The following MYRIP variants were observed in gnomAD, a reference collection of about 807,000 sequenced individuals.
MYRIP encodes the protein myosin VIIA and Rab interacting protein.
In MYRIP, 49 loss-of-function variants were observed where a neutral mutation model predicts 98.0. That is an observed-to-expected ratio of 0.50 (90% confidence interval 0.40 to 0.63). The LOEUF is 0.63. MYRIP is among the 30% of genes least tolerant of loss of function. The pLI, the probability that MYRIP is intolerant of heterozygous loss-of-function variation, is 0.00. For synonymous variants in MYRIP, 404 were observed against 409.5 expected, an observed-to-expected ratio of 0.99 and a Z score of 0.16; for missense variants, 1,004 against 1,058.2, an observed-to-expected ratio of 0.95 and a Z score of 0.71.
intron 3 of MYRIP, among the ~76,000 whole-genome samples, chr3:40,084,732 G>A (rs1017597613): frequency 2.1e-5 from 3 of 145,546 alleles, no homozygotes; most frequent in African/African-American, 5.1e-5. Context: ...ATTACATGTC[G>A]ATAGATAATA....
At chr3:40,054,676 C>T (rs905160598) in intron 3 of MYRIP, among the ~76,000 whole-genome samples, 1 of 152,146 alleles carries the variant, frequency 6.6e-6, no homozygotes, top group Admixed American at 6.6e-5. Context: ...ATCCACTCTT[C>T]CCTGGGTCTC....
intron 10 of MYRIP, among the ~76,000 whole-genome samples, chr3:40,201,782 T>C (rs1951567340): frequency 6.6e-6 from 1 of 152,198 alleles, no homozygotes; most frequent in African/African-American, 2.4e-5. Context: ...GTCTGGGTGC[T>C]GTTATCACAC....
chr3:40,001,099 A>C (rs757609725), intron 2 of MYRIP, among the ~76,000 whole-genome samples: 3 of 152,238 alleles, frequency 2.0e-5, no homozygotes, highest in Non-Finnish European at 4.4e-5. Context: ...AATGTATATT[A>C]GAAAAAATTT....
At chr3:40,212,205 CGTGT>C (rs1160660695) in intron 11 of MYRIP, among the ~76,000 whole-genome samples, 3 of 37,500 alleles carry the variant, frequency 8.0e-5, no homozygotes, top group African/African-American at 1.9e-4. Flanking sequence ...CATATATATA[CGTGT>C]GTGTATATAT....
intron 1 of MYRIP, among the ~76,000 whole-genome samples, chr3:39,874,152 G>A (rs1942901463): frequency 6.6e-6 from 1 of 151,988 alleles, no homozygotes; most frequent in African/African-American, 2.4e-5. Flanking sequence ...TCTGTTGTTG[G>A]CGTATAAGAA....
intron 3 of MYRIP, among the ~76,000 whole-genome samples, chr3:40,117,944 T>C (rs2371133): frequency 0.23 from 35,436 of 152,004 alleles, 4,511 homozygotes; most frequent in South Asian, 0.37. Flanking sequence ...CAAAAGCAAA[T>C]GGCAGACTAG....
intron 1 of MYRIP, among the ~76,000 whole-genome samples, chr3:39,839,131 A>T (rs1321223834): frequency 6.6e-6 from 1 of 152,058 alleles, no homozygotes; most frequent in African/African-American, 2.4e-5. Flanking sequence ...ATCTTCAAAA[A>T]GCCAGCTCCT....
At chr3:39,843,243 TGAAA>T (rs1255960054) in intron 1 of MYRIP, among the ~76,000 whole-genome samples, 1 of 152,204 alleles carries the variant, frequency 6.6e-6, no homozygotes, top group African/African-American at 2.4e-5. Flanking sequence ...AGTCACAGTT[TGAAA>T]GACTGAGCTG....
intron 3 of MYRIP, among the ~76,000 whole-genome samples, chr3:40,100,997 G>A (rs953721460): frequency 1.3e-5 from 2 of 151,888 alleles, no homozygotes; most frequent in Admixed American, 1.3e-4. Context: ...AGAAAAAAAA[G>A]CCCCTCACCC....
intron 3 of MYRIP, among the ~76,000 whole-genome samples, chr3:40,057,194 T>A (rs969374758): frequency 3.9e-5 from 6 of 152,054 alleles, no homozygotes; most frequent in African/African-American, 1.4e-4. Flanking sequence ...TACTAGATTC[T>A]GGTAAGCTCC....
At chr3:40,075,884 G>A (rs1333494924) in intron 3 of MYRIP, among the ~76,000 whole-genome samples, 1 of 152,096 alleles carries the variant, frequency 6.6e-6, no homozygotes, top group Non-Finnish European at 1.5e-5. Context: ...GTATTGTCAG[G>A]AAAGCTAATC....
intron 11 of MYRIP, among the ~76,000 whole-genome samples, chr3:40,210,692 C>T (rs1032470804): frequency 3.3e-5 from 5 of 152,108 alleles, no homozygotes; most frequent in Non-Finnish European, 7.4e-5. Context: ...TCCCCAAAGC[C>T]CTAACCGCTT....
chr3:39,978,088 C>T (rs1945800487), intron 2 of MYRIP, among the ~76,000 whole-genome samples: 1 of 152,190 alleles, frequency 6.6e-6, no homozygotes, highest in South Asian at 2.1e-4. Flanking sequence ...GAACTGCCAT[C>T]TTTAGCCCTT....
At chr3:40,157,064 T>C (rs1237250280) in intron 4 of MYRIP, among the ~76,000 whole-genome samples, 1 of 150,792 alleles carries the variant, frequency 6.6e-6, no homozygotes, top group Non-Finnish European at 1.5e-5. Context: ...GGCATCCCTG[T>C]CTTGTGCCAG....
chr3:40,244,615 C>G lies in MYRIP; in HGVS notation c.2262+8C>G, dbSNP rs775646694. 3.5e-5 allele frequency: 56 copies of G among 1,607,296 alleles called. No individual in the cohort carries two copies. The highest frequency in any genetic ancestry group is 4.4e-5 in the Non-Finnish European group (52 of 1,176,886). On this transcript the variant is annotated splice_region_variant and intron_variant, in intron 13 of 16. Transcript: ENST00000302541. ...CACCATGCTGAACTCCAGGTGAGAA[C>G]TCTCCTCTCTGCCCACATGGGTCCT... is the stretch of plus-strand genomic sequence containing the variant.
At chr3:40,025,965 C>T (rs1176059097) in intron 2 of MYRIP, among the ~76,000 whole-genome samples, 2 of 152,022 alleles carry the variant, frequency 1.3e-5, no homozygotes, top group East Asian at 3.9e-4. Context: ...TGATAAACAC[C>T]CTAAACAACA....
intron 12 of MYRIP, among the ~76,000 whole-genome samples, chr3:40,235,844 C>T (rs1355326396): frequency 6.6e-6 from 1 of 152,172 alleles, no homozygotes; most frequent in Admixed American, 6.5e-5. Flanking sequence ...GGAAGGTACT[C>T]ACAATCCATT....
intron 2 of MYRIP, among the ~76,000 whole-genome samples, chr3:40,030,091 G>A (rs1559371243): frequency 6.7e-6 from 1 of 148,646 alleles, no homozygotes; most frequent in Non-Finnish European, 1.5e-5. Flanking sequence ...AAGAAAGAGA[G>A]AGAAAGAAAG....
intron 2 of MYRIP, among the ~76,000 whole-genome samples, chr3:39,957,524 T>C (rs1175888217): frequency 6.6e-6 from 1 of 152,182 alleles, no homozygotes; most frequent in African/African-American, 2.4e-5. Context: ...TGATGGGATG[T>C]ATCTCAAAAT....
Sources: allele counts gnomAD v4.1 joint callset (sites outside exome capture counted in the v4.1 genomes callset), GRCh38; gene constraint gnomAD v4.1.1; transcripts MANE v1.5; gene names NCBI Gene and HGNC (gene_info 2026-07-23, HGNC 2026-07-21).